The following ACP4 variants were observed in gnomAD, a reference collection of about 807,000 sequenced individuals.
ACP4 encodes the protein testicular acid phosphatase.
A neutral mutation model predicts 47.3 loss-of-function variants in ACP4; 49 were observed. The observed-to-expected ratio is 1.04, with a 90% CI of 0.82 to 1.32. The LOEUF is 1.32. Among genes scored for constraint, ACP4 ranks in the 40% most tolerant of loss-of-function variants. The pLI is 0.00. For synonymous variants in ACP4, 299 were observed against 265.3 expected (o/e 1.13, Z -1.23); for missense variants, 594 against 579.3 (o/e 1.03, Z -0.26).
rs762824102 is a variant in ACP4, at chr19:50,790,676, G to A, written c.194G>A (p.Arg65Gln). The part of the protein sequence containing the change: ...HKEVASTLWP[R>Q]GLGQLTTEGV... ...GAGGTGGCCTCCACCCTGTGGCCAC[G>A]AGGCCTGGGCCAGCTGACCACGGTG... Residue 65 changes from arginine (R) to glutamine (Q), a missense_variant, in exon 2 of 11, where the codon CGA (arginine) becomes CAA (glutamine). Transcript: ENST00000270593. 6.7e-5 allele frequency: 104 copies of A among 1,550,538 alleles called. No homozygotes were observed. Among genetic ancestry groups the A allele is most frequent in the Non-Finnish European group, 8.3e-5 (95 of 1,149,400 alleles).
At chr19:50,790,920 T>A (rs2089499600) in intron 3 of ACP4, 60 bp downstream of exon 3, 1 of 1,459,584 alleles carries the variant, frequency 6.9e-7, no homozygotes, top group Non-Finnish European at 9.3e-7. Context: ...CTCCACTGAC[T>A]ACAACGCTCT....
chr19:50,794,269 A>G (rs918440477), intron 8 of ACP4, among the ~76,000 whole-genome samples, 188 bp from the exon 9 acceptor site: 2 of 152,154 alleles, frequency 1.3e-5, no homozygotes, highest in African/African-American at 4.8e-5. Flanking sequence ...CATATTTTGC[A>G]CCTACTTGAG....
In ACP4 at chr19:50,790,533, G is replaced by GC. The variant is rs752420219; in HGVS notation, c.111+13dup. The GC allele has an allele frequency of 1.6e-5, 25 of 1,542,436 alleles. No individual in the cohort carries two copies. The African/African-American group carries it at 3.1e-4, about 19-fold the overall frequency. ...CTGGTGTTCGTGGCTCTGGTGAGGC[G>GC]CCCCCACCCCGGCCTGCCCTTAGCT... On this transcript the variant is annotated intron_variant, in intron 1 of 10. Coordinates refer to ENST00000270593, the MANE Select transcript of ACP4 (RefSeq NM_033068.3).
At chr19:50,793,529 C>T in intron 6 of ACP4, 155 bp from the exon 7 acceptor site, 1 of 1,159,560 alleles carries the variant, frequency 8.6e-7, no homozygotes, top group African/African-American at 1.6e-5. Context: ...CAAAAAACAA[C>T]AACAAAAAAA....
chr19:50,792,009 C>G (rs562010990), intron 4 of ACP4, 64 bp from the exon 5 acceptor site: 1 of 1,502,526 alleles, frequency 6.7e-7, no homozygotes, highest in East Asian at 2.5e-5. Flanking sequence ...CGGGTTCCCC[C>G]GACCCGCTGT....
chr19:50,791,479 A>G (rs950676289), intron 3 of ACP4, among the ~76,000 whole-genome samples, 177 bp from the exon 4 acceptor site: 10 of 152,072 alleles, frequency 6.6e-5, no homozygotes, highest in African/African-American at 2.4e-4. Flanking sequence ...GTCCAGCCCA[A>G]CTGCTCCTGA....
Position 50,792,227 on chromosome 19 carries a change from GC to G in ACP4, c.550-11del. ...CAGGGGATGGGCCTGGGCTCACCCA[GC>G]CCCGCGCATCCAGGGCTTCCTGAGT... is the stretch of plus-strand genomic sequence containing the variant. On this transcript the variant is annotated splice_polypyrimidine_tract_variant and intron_variant, in intron 5 of 10. Transcript: ENST00000270593. The G allele has an allele frequency of 6.2e-7, 1 of 1,612,666 alleles. No individual in the cohort carries two copies. Among genetic ancestry groups the G allele is most frequent in the Non-Finnish European group, 8.5e-7 (1 of 1,179,858 alleles).
Position 50,795,195 on chromosome 19 carries a change from T to G in ACP4, c.*37T>G, listed in dbSNP as rs1447976648. 2.0e-6 allele frequency: 3 copies of G among 1,494,896 alleles called. No individual in the cohort carries two copies. The highest frequency in any genetic ancestry group is 1.2e-5 in the South Asian group (1 of 80,470). 92.6% of individuals were successfully genotyped at this position (1,494,896 alleles called of 1,614,324 possible). Reference sequence around the variant, plus strand: ...GGGCTTCCCTACCCCCAGCTGACACTGGACCCCAACATGTATGCTCAGTAG... The same window carrying G: ...GGGCTTCCCTACCCCCAGCTGACACGGGACCCCAACATGTATGCTCAGTAG... On this transcript the variant is annotated 3_prime_UTR_variant, in exon 11 of 11. Transcript: ENST00000270593.
chr19:50,790,602 C>G lies in ACP4; in HGVS notation c.120C>G (p.Arg40=). The change falls in exon 2 of 11, where the codon CGC becomes CGG. Residue 40 remains arginine (R), a synonymous_variant. Coordinates refer to ENST00000270593, the MANE Select transcript of ACP4 (RefSeq NM_033068.3). ...GPLVFVALVF[R]HGDRAPLASY... is the part of the protein sequence containing the mutation. ...ACCAGTCCTGTCCCCAGGTATTCCG[C>G]CATGGCGACCGGGCCCCGCTGGCCT... The G allele has an allele frequency of 1.9e-6, 3 of 1,550,734 alleles. No homozygotes were observed. Among genetic ancestry groups the G allele is most frequent in the Non-Finnish European group, 2.6e-6 (3 of 1,147,882 alleles).
At position 50,790,682 on chromosome 19, in the gene ACP4, T is replaced by C; in HGVS notation, c.200T>C (p.Leu67Pro). ...EVASTLWPRG[L>P]GQLTTEGVRQ... ...GCCTCCACCCTGTGGCCACGAGGCC[T>C]GGGCCAGCTGACCACGGTGAGAAGC... is the stretch of plus-strand genomic sequence containing the variant. Residue 67 changes from leucine (L) to proline (P), a missense_variant, in exon 2 of 11, where the codon CTG (leucine) becomes CCG (proline). Physicochemically the swap from Leu to Pro is moderately conservative, Grantham distance 98. Transcript: ENST00000270593. 7.8e-7 allele frequency: 1 copy of C among 1,286,368 alleles called. No individual in the cohort carries two copies. Among genetic ancestry groups the C allele is most frequent in the Non-Finnish European group, 1.0e-6 (1 of 985,134 alleles). 79.7% of individuals were successfully genotyped at this position (1,286,368 alleles called of 1,614,324 possible).
chr19:50,794,992 G>A lies in ACP4; in HGVS notation c.1165+28G>A, dbSNP rs372068253. On this transcript the variant is annotated intron_variant, in intron 10 of 10. Coordinates refer to ENST00000270593, the MANE Select transcript of ACP4 (RefSeq NM_033068.3). ...GACAGTCCTCTGTGTTGGGGTGGGA[G>A]TGGAGGGTTGCCAAGTCCTGGCACT... 60 of 1,613,292 alleles carry A rather than the reference G, an allele frequency of 3.7e-5. 1 individual carries two copies. The South Asian group carries it at 5.1e-4, about 14-fold the overall frequency.
rs1167609370 is a variant in ACP4 at position 50,790,532 on chromosome 19, C to T, written c.111+7C>T. On this transcript the variant is annotated splice_region_variant and intron_variant, in intron 1 of 10. Transcript: ENST00000270593. ...CCTGGTGTTCGTGGCTCTGGTGAGG[C>T]GCCCCCACCCCGGCCTGCCCTTAGC... 5.8e-6 allele frequency: 9 copies of T among 1,542,152 alleles called. No individual in the cohort carries two copies. In the South Asian group the frequency reaches 6.0e-5, roughly 10 times the overall value.
intron 6 of ACP4, 164 bp downstream of exon 6, chr19:50,792,501 G>A: frequency 1.5e-6 from 1 of 655,482 alleles, no homozygotes; most frequent in African/African-American, 1.8e-5. Context: ...ACCTCCCCAG[G>A]ACGCTGTGAG....
chr19:50,794,352 G>A, intron 8 of ACP4, 105 bp from the exon 9 acceptor site: 9 of 1,482,396 alleles, frequency 6.1e-6, no homozygotes, highest in Non-Finnish European at 8.2e-6. Flanking sequence ...AGCTTTGGGG[G>A]GTTGGTTCTA....
chr19:50,793,650 C>T (rs754295870), intron 6 of ACP4, 34 bp from the exon 7 acceptor site: 52 of 1,606,970 alleles, frequency 3.2e-5, no homozygotes, highest in Middle Eastern at 2.0e-4. Context: ...AACTCGAGGG[C>T]TCAGGATGGT....
rs371802545 is a variant in ACP4, at chr19:50,793,732, C to A, written c.694C>A (p.Arg232=). 6.2e-7 allele frequency: 1 copy of A among 1,613,776 alleles called. No individual in the cohort carries two copies. Among genetic ancestry groups the A allele is most frequent in the Non-Finnish European group, 8.5e-7 (1 of 1,180,044 alleles). ...LPAWASPDVL[R]TLAQISALDI... ...AGCCTGGGCCTCCCCAGATGTCCTGCGGACTCTTGCCCAGATCTCGGCTTT... is the reference window on the plus strand; with the variant it reads ...AGCCTGGGCCTCCCCAGATGTCCTGAGGACTCTTGCCCAGATCTCGGCTTT... The change falls in exon 7 of 11, where the codon CGG becomes AGG. Residue 232 remains arginine (R), a synonymous_variant. Transcript: ENST00000270593.
Position 50,795,171 on chromosome 19 carries a change from G to A in ACP4, c.*13G>A, listed in dbSNP as rs776940589. ...GGGCCCCGTGTGAGCCAGAAACCAG[G>A]GCTTCCCTACCCCCAGCTGACACTG... is the stretch of plus-strand genomic sequence containing the variant. On this transcript the variant is annotated 3_prime_UTR_variant, in exon 11 of 11. Transcript: ENST00000270593. 2.0e-6 allele frequency: 3 copies of A among 1,530,406 alleles called. No homozygotes were observed. The South Asian group carries it at 3.6e-5, about 18-fold the overall frequency. The allele number at this position is 1,530,406 out of a possible 1,614,324, so 94.8% of individuals were successfully genotyped here. A position where few individuals can be genotyped will look rare whatever the true frequency, so the allele number is the denominator to read the frequency against.
At chr19:50,794,651 C>T (rs755326122) in intron 9 of ACP4, 70 bp downstream of exon 9, 1 of 1,609,774 alleles carries the variant, frequency 6.2e-7, no homozygotes, top group African/African-American at 1.3e-5. Context: ...ATGTGTCAGG[C>T]AGAGGGCATG....
At chr19:50,792,484 T>C (rs1568465092) in intron 6 of ACP4, 147 bp downstream of exon 6, 1 of 707,012 alleles carries the variant, frequency 1.4e-6, no homozygotes, top group Non-Finnish European at 2.4e-6. Context: ...GCAACACCGG[T>C]ATCAACACCT....
Sources: allele counts gnomAD v4.1 joint callset (sites outside exome capture counted in the v4.1 genomes callset), GRCh38; gene constraint gnomAD v4.1.1; transcripts MANE v1.5; gene names NCBI Gene and HGNC (gene_info 2026-07-23, HGNC 2026-07-21).